Variants in ABCB5 observed in about 807,000 individuals in gnomAD.
ABCB5 encodes the protein ATP-binding cassette sub-family B member 5.
In ABCB5, 155 loss-of-function variants were observed where a neutral mutation model predicts 144.2. The observed-to-expected ratio is 1.08, with a 90% CI of 0.94 to 1.23. The LOEUF (loss-of-function observed/expected upper bound fraction) is 1.23, where lower values mean the gene tolerates loss of function less well. Ranked by LOEUF, ABCB5 falls within the 50% of genes most tolerant of loss-of-function variation. The pLI is 0.00. For synonymous variants in ABCB5, 610 were observed against 528.6 expected (o/e 1.15, Z -2.11); for missense variants, 1,830 against 1,520.8 (o/e 1.20, Z -3.38).
intron 3 of ABCB5, among the ~76,000 whole-genome samples, chr7:20,626,854 GGTGT>G (rs370537783): frequency 0.064 from 9,134 of 143,660 alleles, 312 homozygotes; most frequent in Admixed American, 0.11. Context: ...GTGTTTTTGG[GGTGT>G]GTGTGTGTGT....
rs200099039 is a variant in ABCB5, at chr7:20,650,026, T to G, written c.1211T>G (p.Leu404Arg). 163 of 1,611,586 alleles carry G rather than the reference T, an allele frequency of 1.0e-4. No homozygotes were observed. The African/African-American group carries it at 2.0e-3, about 20-fold the overall frequency. ...TCCCTCCATACATTCCAATAGATTC[T>G]GAAAGGTCTGAATCTCAGAATTAAG... is the stretch of plus-strand genomic sequence containing the variant. ...NYPSRPSIKI[L>R]KGLNLRIKSG... The change falls in exon 12 of 28, where the codon CTG becomes CGG. Residue 404 changes from leucine to arginine, a missense_variant. Leu to Arg is a moderately radical substitution (Grantham distance 102, BLOSUM62 -2). Transcript: ENST00000404938.
chr7:20,701,459 T>C (rs1786625264), intron 19 of ABCB5, among the ~76,000 whole-genome samples: 1 of 152,200 alleles, frequency 6.6e-6, no homozygotes, highest in Admixed American at 6.5e-5. Flanking sequence ...CAGAAGAATA[T>C]AAATTTTAAT....
At chr7:20,691,425 C>T (rs1457599513) in intron 16 of ABCB5, among the ~76,000 whole-genome samples, 1 of 151,622 alleles carries the variant, frequency 6.6e-6, no homozygotes, top group Non-Finnish European at 1.5e-5. Context: ...TCCTTTGAGT[C>T]TTCATCCGAC....
chr7:20,619,763 A>C (rs1783769687), intron 1 of ABCB5, among the ~76,000 whole-genome samples: 1 of 152,176 alleles, frequency 6.6e-6, no homozygotes, highest in African/African-American at 2.4e-5. Context: ...GGCCGATGAC[A>C]ACAAGGATAT....
intron 23 of ABCB5, among the ~76,000 whole-genome samples, chr7:20,731,355 G>GAAAAAAAAAAAAAAAA (rs869149519): frequency 2.3e-5 from 3 of 127,854 alleles, no homozygotes; most frequent in East Asian, 4.6e-4. Context: ...TCCAACTCAG[G>GAAAAAAAAAAAAAAAA]AAAAAAAAAA....
chr7:20,688,557 G>A (rs933751486), intron 16 of ABCB5, among the ~76,000 whole-genome samples: 1 of 152,214 alleles, frequency 6.6e-6, no homozygotes, highest in African/African-American at 2.4e-5. Context: ...GGAAGTCAGT[G>A]TGGCGATTCC....
chr7:20,646,813 TA>T (rs1784423200), intron 9 of ABCB5, among the ~76,000 whole-genome samples: 1 of 152,224 alleles, frequency 6.6e-6, no homozygotes, highest in South Asian at 2.1e-4. Context: ...TTCTTTCCAT[TA>T]AATTCATCTT....
At chr7:20,664,705 C>T (rs1454588084) in intron 14 of ABCB5, among the ~76,000 whole-genome samples, 4 of 91,308 alleles carry the variant, frequency 4.4e-5, no homozygotes. Flanking sequence ...CTCTTCTTAC[C>T]CACCATTTAC....
chr7:20,691,509 A>G (rs2128041563), intron 16 of ABCB5, among the ~76,000 whole-genome samples: 1 of 152,052 alleles, frequency 6.6e-6, no homozygotes, highest in South Asian at 2.1e-4. Context: ...TAAAAGGAGC[A>G]ATTCTTAGAA....
Position 20,663,775 on chromosome 7 carries a change from G to GCATGATCT in ABCB5, c.1707+5102_1707+5109dup, listed in dbSNP as rs555270309. ...CTGTCACCCAGGCTGGAGTGCAGTGGCATGATCTCAGCTCACTGCAACCTC... is the reference window on the plus strand; with the variant it reads ...CTGTCACCCAGGCTGGAGTGCAGTGGCATGATCTCATGATCTCAGCTCACTGCAACCTC... On this transcript the variant is annotated intron_variant, in intron 14 of 27. Coordinates refer to ENST00000404938, the MANE Select transcript of ABCB5 (RefSeq NM_001163941.2). Among the ~76,000 whole-genome samples, 546 of 148,686 alleles carry GCATGATCT rather than the reference G, an allele frequency of 3.7e-3. 3 individuals are homozygous for GCATGATCT. Among genetic ancestry groups the GCATGATCT allele is most frequent in the African/African-American group, 0.013 (500 of 39,824 alleles).
chr7:20,673,382 T>G (rs1785510354), intron 14 of ABCB5, among the ~76,000 whole-genome samples: 1 of 152,104 alleles, frequency 6.6e-6, no homozygotes, highest in Admixed American at 6.5e-5. Context: ...ACTATTACTG[T>G]AACTTTTAGA....
rs1784596152 is a variant in ABCB5, at chr7:20,651,626, G to A, written c.1536+3G>A. The A allele has an allele frequency of 6.8e-6, 11 of 1,613,918 alleles. No homozygotes were observed. Among genetic ancestry groups the A allele is most frequent in the Non-Finnish European group, 9.3e-6 (11 of 1,179,876 alleles). ...ATTTTATCATGGAGTTTCCTAATGT[G>A]AGTACACTGTGCAGCCTGTGTCCTT... is the stretch of plus-strand genomic sequence containing the variant. On this transcript the variant is annotated splice_donor_region_variant and intron_variant, in intron 13 of 27. Transcript: ENST00000404938.
At chr7:20,745,593 A>G (rs1485909961) in intron 26 of ABCB5, among the ~76,000 whole-genome samples, 155 bp downstream of exon 26, 1 of 152,230 alleles carries the variant, frequency 6.6e-6, no homozygotes, top group Non-Finnish European at 1.5e-5. Context: ...TCAGATGCGA[A>G]AAACCAAGTT....
At chr7:20,727,758 T>G (rs1393744438) in intron 22 of ABCB5, among the ~76,000 whole-genome samples, 1 of 152,194 alleles carries the variant, frequency 6.6e-6, no homozygotes, top group South Asian at 2.1e-4. Flanking sequence ...TTACATTAAA[T>G]CCCTAAAATA....
intron 14 of ABCB5, among the ~76,000 whole-genome samples, chr7:20,680,495 G>A (rs1432625811): frequency 2.0e-5 from 3 of 151,760 alleles, no homozygotes; most frequent in Non-Finnish European, 2.9e-5. Context: ...GCGTGAACCC[G>A]GGAGACGGAG....
Position 20,700,290 on chromosome 7 carries a change from A to G in ABCB5, c.2337+155A>G, listed in dbSNP as rs571966780. Among the ~76,000 whole-genome samples, 4 of 152,334 alleles carry G rather than the reference A, an allele frequency of 2.6e-5. No homozygotes were observed. The South Asian group carries it at 8.3e-4, about 32-fold the overall frequency. On this transcript the variant is annotated intron_variant, in intron 19 of 27. Transcript: ENST00000404938. ...GCAAAAATCTGATGTCAGAAGTCTTATATTTTTCTAAAAGAAGCAAGTCCA... is the reference window on the plus strand; with the variant it reads ...GCAAAAATCTGATGTCAGAAGTCTTGTATTTTTCTAAAAGAAGCAAGTCCA...
At chr7:20,691,783 T>C (rs1441446643) in intron 16 of ABCB5, among the ~76,000 whole-genome samples, 2 of 152,026 alleles carry the variant, frequency 1.3e-5, no homozygotes, top group Non-Finnish European at 2.9e-5. Context: ...GATTAAACTG[T>C]TTCCAAGTAA....
At chr7:20,650,570 T>C (rs1054218619) in intron 12 of ABCB5, among the ~76,000 whole-genome samples, 1 of 104,032 alleles carries the variant, frequency 9.6e-6, no homozygotes, top group East Asian at 2.1e-4. Flanking sequence ...TTTCTTTTCC[T>C]TTTTTTTTTT....
At chr7:20,724,398 T>C (rs10275163) in intron 21 of ABCB5, among the ~76,000 whole-genome samples, 68,407 of 151,514 alleles carry the variant, frequency 0.45, 17,303 homozygotes, top group East Asian at 0.75. Context: ...GAGGCCGAGA[T>C]GGGCGGATCT....
Sources: allele counts gnomAD v4.1 joint callset (sites outside exome capture counted in the v4.1 genomes callset), GRCh38; gene constraint gnomAD v4.1.1; transcripts MANE v1.5; gene names NCBI Gene and HGNC (gene_info 2026-07-23, HGNC 2026-07-21).